Variants in RBM3 observed in about 807,000 individuals in gnomAD.
RBM3 encodes RNA-binding protein 3.
A neutral mutation model predicts 12.0 loss-of-function variants in RBM3; 3 were observed. The observed-to-expected ratio is 0.25, with a 90% CI of 0.11 to 0.65. RBM3 has a LOEUF of 0.65. Among genes scored for constraint, RBM3 ranks in the 30% least tolerant of loss-of-function variants. The pLI is 0.84. For missense variants in RBM3, 108 were observed against 134.5 expected (o/e 0.80, Z 0.97); for synonymous variants, 58 against 45.7 (o/e 1.27, Z -1.08).
In RBM3 at chrX:48,576,548, C is replaced by T; in HGVS notation, c.357C>T (p.Asp119=). ...GCTATGGGAGTGGCAGGTATTATGA[C>T]AGTCGACCTGGAGGGTATGGATATG... ...DQGYGSGRYY[D]SRPGGYGYGY... Residue 119 remains aspartate (D), a synonymous_variant, in exon 5 of 7, where the codon GAC becomes GAT. Transcript: ENST00000376759. 1.7e-6 allele frequency: 2 copies of T among 1,187,196 alleles called. No homozygotes were observed. Among genetic ancestry groups the T allele is most frequent in the Non-Finnish European group, 2.3e-6 (2 of 882,821 alleles).
Position 48,576,311 on chromosome X carries a change from T to C in RBM3, c.211-3T>C. On this transcript the variant is annotated splice_polypyrimidine_tract_variant and splice_region_variant and intron_variant, in intron 3 of 6. Coordinates refer to ENST00000376759, the MANE Select transcript of RBM3 (RefSeq NM_006743.5). ...CCATCATCCTTGTGTCTCCCACACT[T>C]AGTCTCTGGATGGTCGTCAGATCCG... 1 of 1,207,605 alleles carries C rather than the reference T, an allele frequency of 8.3e-7. No homozygotes were observed. Among genetic ancestry groups the C allele is most frequent in the Non-Finnish European group, 1.1e-6 (1 of 893,894 alleles).
At chrX:48,575,764 A>G in intron 3 of RBM3, 97 bp downstream of exon 3, 1 of 835,137 alleles carries the variant, frequency 1.2e-6, no homozygotes, top group Non-Finnish European at 1.7e-6. Flanking sequence ...CAGCGTGGCC[A>G]CCAAGCCCCG....
At position 48,575,597 on chromosome X, in the gene RBM3, G is replaced by A. The variant is rs782137125; in HGVS notation, c.140G>A (p.Arg47Lys). The A allele has an allele frequency of 8.3e-7, 1 of 1,211,736 alleles. No individual in the cohort carries two copies. Among genetic ancestry groups the A allele is most frequent in the Non-Finnish European group, 1.1e-6 (1 of 895,419 alleles). The change falls in exon 3 of 7, where the codon AGG becomes AAG. Residue 47 changes from arginine (R) to lysine (K), a missense_variant. Arg to Lys is a conservative substitution (Grantham distance 26). Coordinates refer to ENST00000376759, the MANE Select transcript of RBM3 (RefSeq NM_006743.5). Reference sequence around the variant, plus strand: ...AAGGACCGGGAGACTCAGCGGTCCAGGGGTTTTGGTTTCATCACCTTCACC... The same window carrying A: ...AAGGACCGGGAGACTCAGCGGTCCAAGGGTTTTGGTTTCATCACCTTCACC... The part of the protein sequence containing the change: ...VVKDRETQRS[R>K]GFGFITFTNP...
rs782395431 is a variant in RBM3, at chrX:48,576,243, C to T, written c.211-71C>T. The T allele has an allele frequency of 6.0e-6, 7 of 1,167,033 alleles. No individual in the cohort carries two copies. In the African/African-American group the frequency reaches 7.2e-5, roughly 12 times the overall value. ...TTTTGGCCTCTTTTGCCCACTTACC[C>T]TTGCCTGCTCTTCCCTCACCATTGC... On this transcript the variant is annotated intron_variant, in intron 3 of 6. Transcript: ENST00000376759.
At chrX:48,574,687 CTT>C (rs2062071681) in intron 1 of RBM3, 114 bp downstream of exon 1, 1 of 330,073 alleles carries the variant, frequency 3.0e-6, no homozygotes, top group Non-Finnish European at 5.9e-6. Context: ...GTAGGCTTGG[CTT>C]TCTCTGGGAC....
Position 48,574,577 on chromosome X carries a change from A to G in RBM3, c.-14+4A>G. 3.0e-6 allele frequency: 1 copy of G among 331,702 alleles called. No homozygotes were observed. Among genetic ancestry groups the G allele is most frequent in the South Asian group, 2.6e-5 (1 of 38,578 alleles). 27.3% of individuals were successfully genotyped at this position (331,702 alleles called of 1,213,427 possible). On this transcript the variant is annotated splice_donor_region_variant and intron_variant, in intron 1 of 6. Coordinates refer to ENST00000376759, the MANE Select transcript of RBM3 (RefSeq NM_006743.5). Reference sequence around the variant, plus strand: ...TTTTTTACGTTTTAATTTCCAGGTAAGTTGCATATGTCCTGCGAAACGGCG... The same window carrying G: ...TTTTTTACGTTTTAATTTCCAGGTAGGTTGCATATGTCCTGCGAAACGGCG...
chrX:48,575,118 C>G, intron 1 of RBM3, 50 bp from the exon 2 acceptor site: 1 of 923,456 alleles, frequency 1.1e-6, no homozygotes, highest in Non-Finnish European at 1.5e-6. Flanking sequence ...TTTCTCACAT[C>G]TCCATTTTCT....
rs1263708910 is a variant in RBM3, at chrX:48,581,135, TA to T, written c.*3696del. 2 of 110,721 alleles carry T rather than the reference TA, an allele frequency of 1.8e-5. No homozygotes were observed. Among genetic ancestry groups the T allele is most frequent in the Non-Finnish European group, 3.8e-5 (2 of 52,901 alleles). The allele number at this position is 110,721 out of a possible 1,213,427, so 9.1% of individuals were successfully genotyped here. A position where few individuals can be genotyped will look rare whatever the true frequency, so the allele number is the denominator to read the frequency against. ...TAAAAGCAGTTCATGCCATTATTCT[TA>T]ATAAACATTTCTAATATGCTGTGAA... On this transcript the variant is annotated 3_prime_UTR_variant, in exon 7 of 7. Transcript: ENST00000376759.
intron 5 of RBM3, 55 bp from the exon 6 acceptor site, chrX:48,576,965 ATTACAG>A (rs1269260292): frequency 6.1e-6 from 7 of 1,150,098 alleles, no homozygotes; most frequent in Non-Finnish European, 7.1e-6. Flanking sequence ...GACGCATATA[ATTACAG>A]TGGTATATAT....
chrX:48,575,358 T>G (rs1556989017), intron 2 of RBM3, 75 bp downstream of exon 2: 1 of 1,004,291 alleles, frequency 1.0e-6, no homozygotes, highest in African/African-American at 1.9e-5. Flanking sequence ...GAGTATTAAC[T>G]GAAAAGTTAG....
In RBM3 at chrX:48,579,851, C is replaced by CAGGG. The variant is rs1219277165; in HGVS notation, c.*2413_*2416dup. On this transcript the variant is annotated 3_prime_UTR_variant, in exon 7 of 7. Coordinates refer to ENST00000376759, the MANE Select transcript of RBM3 (RefSeq NM_006743.5). Reference sequence around the variant, plus strand: ...CAATGTGCTTTGTGATCATCCAGCCCAGGGAGTCCCAGTCTCTGGCTGTCT... The same window carrying CAGGG: ...CAATGTGCTTTGTGATCATCCAGCCCAGGGAGGGAGTCCCAGTCTCTGGCTGTCT... The CAGGG allele has an allele frequency of 9.0e-6, 1 of 111,616 alleles. No individual in the cohort carries two copies. The highest frequency in any genetic ancestry group is 1.9e-5 in the Non-Finnish European group (1 of 53,135). 9.2% of individuals were successfully genotyped at this position (111,616 alleles called of 1,213,427 possible). A position where few individuals can be genotyped will look rare whatever the true frequency, so the allele number is the denominator to read the frequency against.
chrX:48,577,755 T>A lies in RBM3; in HGVS notation c.*314T>A, dbSNP rs1280304957. 5.4e-6 allele frequency: 1 copy of A among 186,717 alleles called. No individual in the cohort carries two copies. The highest frequency in any genetic ancestry group is 9.9e-6 in the Non-Finnish European group (1 of 101,364). The allele number at this position is 186,717 out of a possible 1,213,427, so 15.4% of individuals were successfully genotyped here. On this transcript the variant is annotated 3_prime_UTR_variant, in exon 7 of 7. Transcript: ENST00000376759. ...TATTGGAGCTAGCAATAATTGGTTC[T>A]GGCAAGTTTGGCCAGACTGACTTCA... is the stretch of plus-strand genomic sequence containing the variant.
At chrX:48,574,988 G>C (rs1357030632) in intron 1 of RBM3, 180 bp from the exon 2 acceptor site, 1 of 455,523 alleles carries the variant, frequency 2.2e-6, no homozygotes, top group African/African-American at 2.4e-5. Flanking sequence ...GCTGCGCTGA[G>C]CCAGCTCCTC....
In RBM3 at chrX:48,578,795, C is replaced by G. The variant is rs1556989974; in HGVS notation, c.*1354C>G. ...TCATAAATAGTGGTACCAGTTCATT[C>G]CTTCCCCTGAAATGATGGGGGTTGG... On this transcript the variant is annotated 3_prime_UTR_variant, in exon 7 of 7. Coordinates refer to ENST00000376759, the MANE Select transcript of RBM3 (RefSeq NM_006743.5). 1 of 111,531 alleles carries G rather than the reference C, an allele frequency of 9.0e-6. No individual in the cohort carries two copies. 9.2% of individuals were successfully genotyped at this position (111,531 alleles called of 1,213,427 possible). A position where few individuals can be genotyped will look rare whatever the true frequency, so the allele number is the denominator to read the frequency against.
chrX:48,577,381 G>A, intron 6 of RBM3, 84 bp from the exon 7 acceptor site: 1 of 836,796 alleles, frequency 1.2e-6, no homozygotes, highest in Non-Finnish European at 1.7e-6. Flanking sequence ...CCAACCCTCA[G>A]CATCTTCATC....
chrX:48,576,941 A>G, intron 5 of RBM3, 85 bp from the exon 6 acceptor site: 1 of 1,078,641 alleles, frequency 9.3e-7, no homozygotes, highest in South Asian at 2.1e-5. Flanking sequence ...GTTATGACCC[A>G]TACTGTAAAA....
rs782613569 is a variant in RBM3 at position 48,575,204 on chromosome X, C to G, written c.24C>G (p.Leu8=). The change falls in exon 2 of 7, where the codon CTC becomes CTG. Residue 8 remains leucine (L), a synonymous_variant. Coordinates refer to ENST00000376759, the MANE Select transcript of RBM3 (RefSeq NM_006743.5). MSSEEGK[L]FVGGLNFNTD... is the part of the protein sequence containing the mutation. ...CCATGTCCTCTGAAGAAGGAAAGCT[C>G]TTCGTGGGAGGGCTCAACTTTAACA... 8.3e-7 allele frequency: 1 copy of G among 1,209,946 alleles called. No individual in the cohort carries two copies.
At position 48,580,394 on chromosome X, in the gene RBM3, G is replaced by GT. The variant is rs1264110766; in HGVS notation, c.*2960dup. Among the ~76,000 whole-genome samples the GT allele has an allele frequency of 4.5e-5, 5 of 110,781 alleles. No individual in the cohort carries two copies. The East Asian group carries it at 8.5e-4, about 19-fold the overall frequency. On this transcript the variant is annotated 3_prime_UTR_variant, in exon 7 of 7. Transcript: ENST00000376759. ...CCCACCTCACACAGGGGTTAGGAGT[G>GT]TTTTTTTGTTGGTTTTTTTCCAGAC... is the stretch of plus-strand genomic sequence containing the variant.
At position 48,575,665 on chromosome X, in the gene RBM3, G is replaced by A; in HGVS notation, c.208G>A (p.Glu70Lys). The A allele has an allele frequency of 8.3e-7, 1 of 1,206,840 alleles. No homozygotes were observed. Among genetic ancestry groups the A allele is most frequent in the Non-Finnish European group, 1.1e-6 (1 of 891,328 alleles). Residue 70 changes from glutamate (E) to lysine (K), a missense_variant and splice_region_variant, in exon 3 of 7, where the codon GAG becomes AAG. Transcript: ENST00000376759. ...AGTTGCCATGAGAGCCATGAACGGA[G>A]AGGTGGGGCCTCCTATCTGCAGAGG... ...ASVAMRAMNG[E>K]SLDGRQIRVD...
Sources: gnomAD v4.1 joint callset for allele counts (sites outside exome capture counted in the v4.1 genomes callset) on GRCh38, gnomAD v4.1.1 for gene constraint, MANE v1.5 for transcripts, NCBI Gene and HGNC (gene_info 2026-07-23, HGNC 2026-07-21) for gene names.